Variants in METTL24 observed in about 807,000 individuals in gnomAD.
The protein encoded by METTL24 is methyltransferase like 24.
Under a neutral mutation model 32.7 loss-of-function variants are expected in METTL24, and 29 were observed. The observed-to-expected ratio is 0.89, with a 90% CI of 0.66 to 1.21. The LOEUF is 1.21. METTL24 is among the 50% of genes most tolerant of loss of function. METTL24 has a pLI of 0.00. For synonymous variants in METTL24, 163 were observed against 179.5 expected (o/e 0.91, Z 0.73); for missense variants, 439 against 468.1 (o/e 0.94, Z 0.57).
In METTL24 at chr6:110,275,243, A is replaced by G. The variant is rs550026746; in HGVS notation, c.786+23679T>C. Among the ~76,000 whole-genome samples, 13 of 152,216 alleles carry G rather than the reference A, an allele frequency of 8.5e-5. 1 individual carries two copies. In the South Asian group the frequency reaches 2.7e-3, roughly 32 times the overall value. ...TCCCCTGCTGGCTCCCTGCAACTGC[A>G]TATGAATCTGAATGCCTTTACAGCC... On this transcript the variant is annotated intron_variant, in intron 4 of 4. Coordinates refer to ENST00000338882, the MANE Select transcript of METTL24 (RefSeq NM_001123364.3).
At chr6:110,353,340 T>C (rs2114782436) in intron 1 of METTL24, among the ~76,000 whole-genome samples, 1 of 152,318 alleles carries the variant, frequency 6.6e-6, no homozygotes, top group South Asian at 2.1e-4. Flanking sequence ...TGGGCCATGT[T>C]TCACAAGCAA....
chr6:110,352,863 C>G (rs1401667729), intron 1 of METTL24, among the ~76,000 whole-genome samples: 1 of 152,210 alleles, frequency 6.6e-6, no homozygotes, highest in Non-Finnish European at 1.5e-5. Context: ...TTTGGTTTAA[C>G]TACTTGACCT....
intron 3 of METTL24, among the ~76,000 whole-genome samples, chr6:110,303,921 G>A (rs2114737175): frequency 6.6e-6 from 1 of 152,308 alleles, no homozygotes; most frequent in Middle Eastern, 3.4e-3. Context: ...GAGAGCTCCA[G>A]CTGGCATCTG....
Position 110,299,147 on chromosome 6 carries a change from T to C in METTL24, c.561A>G (p.Leu187=), listed in dbSNP as rs752136295. The C allele has an allele frequency of 1.2e-6, 2 of 1,613,110 alleles. No homozygotes were observed. The highest frequency in any genetic ancestry group is 1.7e-6 in the Non-Finnish European group (2 of 1,179,632). The change falls in exon 4 of 5, where the codon CTA becomes CTG. Residue 187 remains leucine (L), a synonymous_variant. Coordinates refer to ENST00000338882, the MANE Select transcript of METTL24 (RefSeq NM_001123364.3). The stretch of plus-strand genomic sequence containing the variant: ...CCTCAAAATGGGTATCATCACTTCC[T>C]AGCCTATAAAGAAAGAGGACGGAAA... The part of the protein sequence containing the change: ...NKQCRLYSLG[L]GSDDTHFEVS...
chr6:110,349,627 T>G (rs962163643), intron 1 of METTL24, among the ~76,000 whole-genome samples: 1 of 152,210 alleles, frequency 6.6e-6, no homozygotes, highest in African/African-American at 2.4e-5. Flanking sequence ...TTGGTGTAAT[T>G]TAGTATCTGA....
At chr6:110,347,516 A>ATAATAATAT (rs1410952271) in intron 1 of METTL24, among the ~76,000 whole-genome samples, 2 of 152,272 alleles carry the variant, frequency 1.3e-5, no homozygotes, top group African/African-American at 4.8e-5. Context: ...AGTACCAAGT[A>ATAATAATAT]TAATAATATG....
intron 4 of METTL24, among the ~76,000 whole-genome samples, chr6:110,264,940 G>T (rs929956718): frequency 2.6e-5 from 4 of 152,040 alleles, no homozygotes; most frequent in Non-Finnish European, 5.9e-5. Context: ...CATGGACACA[G>T]GAAGGGGAAC....
intron 1 of METTL24, among the ~76,000 whole-genome samples, chr6:110,351,937 A>G (rs758734387): frequency 2.0e-5 from 3 of 152,248 alleles, no homozygotes; most frequent in African/African-American, 4.8e-5. Flanking sequence ...AGGTTTCCCA[A>G]TAAATTTAAT....
intron 3 of METTL24, among the ~76,000 whole-genome samples, chr6:110,307,775 C>T (rs939768434): frequency 1.3e-5 from 2 of 152,176 alleles, no homozygotes; most frequent in Admixed American, 1.3e-4. Context: ...CCTGCTACAA[C>T]CCATTTCTGA....
chr6:110,335,566 G>GTTTTTTT (rs527344096), intron 1 of METTL24, among the ~76,000 whole-genome samples: 1 of 66,112 alleles, frequency 1.5e-5, no homozygotes, highest in Non-Finnish European at 3.1e-5. Context: ...GGGAATCATT[G>GTTTTTTT]TTTTTTTTTT....
At chr6:110,295,944 C>G (rs531387240) in intron 4 of METTL24, among the ~76,000 whole-genome samples, 35 of 152,186 alleles carry the variant, frequency 2.3e-4, no homozygotes, top group African/African-American at 7.5e-4. Context: ...GAGACTTTCA[C>G]ACTATGTTCT....
At chr6:110,285,226 T>G (rs1445064920) in intron 4 of METTL24, among the ~76,000 whole-genome samples, 1 of 152,228 alleles carries the variant, frequency 6.6e-6, no homozygotes, top group African/African-American at 2.4e-5. Context: ...ATGGTGATTT[T>G]AAAGAGAAGT....
At position 110,254,045 on chromosome 6, in the gene METTL24, A is replaced by G. The variant is rs975540303; in HGVS notation, c.787-7785T>C. On this transcript the variant is annotated intron_variant, in intron 4 of 4. Coordinates refer to ENST00000338882, the MANE Select transcript of METTL24 (RefSeq NM_001123364.3). ...TCCCTCACAAATTTGCATTTGGGAA[A>G]AGAGCTCTCCTGCTTAAAAAAAATA... 13 of 1,014,136 alleles carry G rather than the reference A, an allele frequency of 1.3e-5. No individual in the cohort carries two copies. The Admixed American group carries it at 3.0e-4, about 23-fold the overall frequency. 62.8% of individuals were successfully genotyped at this position (1,014,136 alleles called of 1,614,324 possible).
chr6:110,257,428 A>G (rs1298836059), intron 4 of METTL24, among the ~76,000 whole-genome samples: 1 of 152,144 alleles, frequency 6.6e-6, no homozygotes, highest in Non-Finnish European at 1.5e-5. Context: ...ATTAAAATTA[A>G]TTTCTCTGCC....
At chr6:110,324,363 C>T (rs1273832771) in intron 1 of METTL24, among the ~76,000 whole-genome samples, 3 of 152,188 alleles carry the variant, frequency 2.0e-5, no homozygotes, top group Non-Finnish European at 4.4e-5. Context: ...CCGCAGACTG[C>T]CTCTTTTTTC....
intron 1 of METTL24, among the ~76,000 whole-genome samples, chr6:110,337,951 C>G (rs1162128079): frequency 6.6e-6 from 1 of 152,198 alleles, no homozygotes; most frequent in Non-Finnish European, 1.5e-5. Context: ...TCTAACCAGA[C>G]TACAAGCTCT....
intron 1 of METTL24, among the ~76,000 whole-genome samples, chr6:110,334,666 C>T (rs1772176964): frequency 6.6e-6 from 1 of 152,228 alleles, no homozygotes. Flanking sequence ...GCGGTTTCCT[C>T]ATGAGGCTAT....
intron 4 of METTL24, among the ~76,000 whole-genome samples, chr6:110,294,855 GA>G (rs1469768438): frequency 2.6e-5 from 4 of 151,978 alleles, no homozygotes; most frequent in African/African-American, 9.7e-5. Flanking sequence ...CTTCCTGAAA[GA>G]GTATATTATT....
Position 110,357,960 on chromosome 6 carries a change from G to A in METTL24, c.313C>T (p.Arg105Trp). Reference protein sequence around the residue: ...GCCAPRGRPRRKGPRWHIDLQ... With the variant: ...GCCAPRGRPRWKGPRWHIDLQ... ...CCGACCGCTTTGCAACTGACCTTCC[G>A]GCGGGGGCGCCCGCGCGGGGCACAG... Residue 105 changes from arginine to tryptophan, a missense_variant, in exon 1 of 5, where the codon CGG (arginine) becomes TGG (tryptophan). By Grantham distance (101) the Arg-to-Trp change is moderately radical (BLOSUM62 -3). Coordinates refer to ENST00000338882, the MANE Select transcript of METTL24 (RefSeq NM_001123364.3). 8.4e-7 allele frequency: 1 copy of A among 1,193,056 alleles called. No individual in the cohort carries two copies. Among genetic ancestry groups the A allele is most frequent in the Middle Eastern group, 2.8e-4 (1 of 3,554 alleles). The allele number at this position is 1,193,056 out of a possible 1,614,324, so 73.9% of individuals were successfully genotyped here.
Sources: gnomAD v4.1 joint callset for allele counts (sites outside exome capture counted in the v4.1 genomes callset) on GRCh38, gnomAD v4.1.1 for gene constraint, MANE v1.5 for transcripts, NCBI Gene and HGNC (gene_info 2026-07-23, HGNC 2026-07-21) for gene names.